The following PRORP variants were observed in gnomAD, a reference collection of about 807,000 sequenced individuals.
The protein encoded by PRORP is protein only RNase P catalytic subunit.
PRORP carries 51 observed loss-of-function variants against 59.4 expected under a neutral mutation model. The observed-to-expected ratio is 0.86, with a 90% confidence interval of 0.69 to 1.08. The LOEUF is 1.08. PRORP is among the 50% of genes least tolerant of loss of function. PRORP has a pLI of 0.00. For missense variants in PRORP, 646 were observed against 690.3 expected (o/e 0.94, Z 0.72); for synonymous variants, 231 against 245.6 (o/e 0.94, Z 0.55).
chr14:35,201,507 C>T (rs1200533778), intron 5 of PRORP, among the ~76,000 whole-genome samples: 1 of 151,898 alleles, frequency 6.6e-6, no homozygotes, highest in Non-Finnish European at 1.5e-5. Flanking sequence ...TTTTGCTGCT[C>T]ACAGTGTTCT....
intron 5 of PRORP, among the ~76,000 whole-genome samples, chr14:35,186,231 C>T (rs985418117): frequency 6.7e-6 from 1 of 149,734 alleles, no homozygotes; most frequent in Non-Finnish European, 1.5e-5. Flanking sequence ...AAGTTGCCTG[C>T]TGTGGCCTCC....
intron 5 of PRORP, among the ~76,000 whole-genome samples, chr14:35,231,281 AT>A (rs1406199630): frequency 1.3e-5 from 2 of 152,326 alleles, no homozygotes; most frequent in East Asian, 3.8e-4. Context: ...GAATAAAAGT[AT>A]TGCCAAGGAT....
At chr14:35,161,371 A>C (rs2048055901) in intron 4 of PRORP, among the ~76,000 whole-genome samples, 1 of 152,126 alleles carries the variant, frequency 6.6e-6, no homozygotes, top group Non-Finnish European at 1.5e-5. Flanking sequence ...AAGGGGCTTA[A>C]ATTTTCTACA....
At chr14:35,233,877 C>G (rs2050142019) in intron 5 of PRORP, among the ~76,000 whole-genome samples, 1 of 152,102 alleles carries the variant, frequency 6.6e-6, no homozygotes, top group Admixed American at 6.5e-5. Context: ...GGCAAAGTTA[C>G]AATTCATATA....
At chr14:35,185,031 A>G (rs1393160607) in intron 5 of PRORP, among the ~76,000 whole-genome samples, 3 of 152,130 alleles carry the variant, frequency 2.0e-5, no homozygotes, top group South Asian at 2.1e-4. Context: ...TCATCTGGGT[A>G]TATGCTCAGT....
At chr14:35,206,519 C>T (rs1285449098) in intron 5 of PRORP, among the ~76,000 whole-genome samples, 3 of 152,200 alleles carry the variant, frequency 2.0e-5, no homozygotes, top group African/African-American at 7.2e-5. Flanking sequence ...TTTCATACAG[C>T]TTTATATTCC....
At chr14:35,154,426 C>A (rs2047859654) in intron 4 of PRORP, among the ~76,000 whole-genome samples, 1 of 152,118 alleles carries the variant, frequency 6.6e-6, no homozygotes, top group Non-Finnish European at 1.5e-5. Context: ...TCCTTATTAA[C>A]CAGCACTACT....
At chr14:35,259,194 T>G (rs2050835454) in intron 5 of PRORP, among the ~76,000 whole-genome samples, 1 of 152,266 alleles carries the variant, frequency 6.6e-6, no homozygotes, top group African/African-American at 2.4e-5. Flanking sequence ...GTTACCATTA[T>G]ATAACGTCTT....
chr14:35,199,654 G>C (rs1005937090), intron 5 of PRORP, among the ~76,000 whole-genome samples: 1 of 152,178 alleles, frequency 6.6e-6, no homozygotes, highest in Non-Finnish European at 1.5e-5. Context: ...CTTGATCTTA[G>C]AATTCCTAGC....
intron 4 of PRORP, among the ~76,000 whole-genome samples, chr14:35,140,026 T>C (rs896558003): frequency 6.9e-6 from 1 of 145,668 alleles, no homozygotes; most frequent in Admixed American, 7.1e-5. Flanking sequence ...CTACAAGTTA[T>C]GGGATTTAGA....
rs1264187090 is a variant in PRORP, at chr14:35,143,678, G to A, written c.1167+16067G>A. ...TTGTTTGTTTTTGAGACAGAGTTTT[G>A]CTCTTGTTGCCTAGGCTGGAGTGCA... On this transcript the variant is annotated intron_variant, in intron 4 of 7. Coordinates refer to ENST00000534898, the MANE Select transcript of PRORP (RefSeq NM_014672.4). 2.1e-5 allele frequency among the ~76,000 whole-genome samples: 3 copies of A among 144,618 alleles called. 1 individual carries two copies. Among genetic ancestry groups the A allele is most frequent in the African/African-American group, 4.9e-5 (2 of 40,808 alleles). The allele number at this position is 144,618 out of a possible 152,430, so 94.9% of individuals were successfully genotyped here.
chr14:35,244,352 G>A (rs1346917766), intron 5 of PRORP, among the ~76,000 whole-genome samples: 2 of 152,010 alleles, frequency 1.3e-5, no homozygotes, highest in Admixed American at 1.3e-4. Flanking sequence ...AGAGTTACTC[G>A]ATTATGAGAG....
chr14:35,124,369 G>A, intron 2 of PRORP, 138 bp downstream of exon 2: 1 of 492,294 alleles, frequency 2.0e-6, no homozygotes, highest in Non-Finnish European at 3.4e-6. Context: ...CTGGCCTCAA[G>A]TGATCCTCTC....
chr14:35,202,845 G>A (rs540882604), intron 5 of PRORP, among the ~76,000 whole-genome samples: 2 of 152,164 alleles, frequency 1.3e-5, no homozygotes, highest in East Asian at 3.9e-4. Flanking sequence ...TGTTGCCCAG[G>A]CTGGTCTTGA....
At chr14:35,211,400 C>A (rs1302049832) in intron 5 of PRORP, among the ~76,000 whole-genome samples, 3 of 152,064 alleles carry the variant, frequency 2.0e-5, no homozygotes, top group African/African-American at 7.3e-5. Flanking sequence ...TAAGACCATG[C>A]CTTGTGTATA....
At chr14:35,271,132 T>A (rs1046123527) in intron 7 of PRORP, among the ~76,000 whole-genome samples, 1 of 150,144 alleles carries the variant, frequency 6.7e-6, no homozygotes, top group Non-Finnish European at 1.5e-5. Context: ...TGACTTCAAT[T>A]AATTATGTCA....
At chr14:35,261,025 A>G (rs1170573596) in intron 5 of PRORP, among the ~76,000 whole-genome samples, 2 of 152,180 alleles carry the variant, frequency 1.3e-5, no homozygotes, top group East Asian at 1.9e-4. Context: ...ACACACATAC[A>G]CAGCATCATA....
intron 5 of PRORP, among the ~76,000 whole-genome samples, chr14:35,249,069 CT>C (rs1459427731): frequency 3.3e-5 from 5 of 152,138 alleles, no homozygotes; most frequent in Admixed American, 2.6e-4. Flanking sequence ...CTAAAGTGGT[CT>C]TGCGTTCTCT....
At chr14:35,130,030 CTTTTTTTT>C (rs1180777805) in intron 4 of PRORP, among the ~76,000 whole-genome samples, 1 of 129,924 alleles carries the variant, frequency 7.7e-6, no homozygotes, top group Non-Finnish European at 1.6e-5. Context: ...TTTAGACTTT[CTTTTTTTT>C]TTTTTTTTTT....
Sources: gnomAD v4.1 joint callset for allele counts (sites outside exome capture counted in the v4.1 genomes callset) on GRCh38, gnomAD v4.1.1 for gene constraint, MANE v1.5 for transcripts, NCBI Gene and HGNC (gene_info 2026-07-23, HGNC 2026-07-21) for gene names.